Variants in IL1RAPL1 observed in about 807,000 individuals in gnomAD.
The protein encoded by IL1RAPL1 is interleukin 1 receptor accessory protein like 1, also known as interleukin-1 receptor accessory protein-like 1.
In IL1RAPL1, 3 loss-of-function variants were observed where a neutral mutation model predicts 48.4. The observed-to-expected ratio is 0.06, with a 90% CI of 0.03 to 0.16. The LOEUF is 0.16. IL1RAPL1 is among the 10% of genes least tolerant of loss of function. The probability of loss-of-function intolerance (pLI) is 1.00; values close to 1 mark genes in which losing one functional copy is unlikely to be tolerated. For synonymous variants in IL1RAPL1, 185 were observed against 187.7 expected, an observed-to-expected ratio of 0.99 and a Z score of 0.12; for missense variants, 349 against 530.6, an observed-to-expected ratio of 0.66 and a Z score of 3.36.
intron 5 of IL1RAPL1, among the ~76,000 whole-genome samples, chrX:29,623,495 C>T (rs1042277006): frequency 2.7e-5 from 3 of 111,651 alleles, no homozygotes; most frequent in African/African-American, 9.8e-5. Flanking sequence ...AGTTATTTGA[C>T]ATGGTGTACA....
At chrX:28,842,644 A>G (rs1173905682) in intron 2 of IL1RAPL1, among the ~76,000 whole-genome samples, 2 of 111,653 alleles carry the variant, frequency 1.8e-5, no homozygotes, top group African/African-American at 6.5e-5. Flanking sequence ...CTTTGTCAAT[A>G]TTCGTTGAAG....
In IL1RAPL1 at chrX:29,102,965, A is replaced by G. The variant is rs765356370; in HGVS notation, c.83-179973A>G. On this transcript the variant is annotated intron_variant, in intron 2 of 10. Transcript: ENST00000378993. ...AAAAACTATAAAACGTTGAATAAAGACATTGATGAAGACACAAAAAATGGA... is the reference window on the plus strand; with the variant it reads ...AAAAACTATAAAACGTTGAATAAAGGCATTGATGAAGACACAAAAAATGGA... 1.8e-3 allele frequency among the ~76,000 whole-genome samples: 199 copies of G among 112,268 alleles called. 2 individuals carry two copies. The highest frequency in any genetic ancestry group is 3.0e-3 in the Non-Finnish European group (158 of 53,267).
At chrX:29,520,301 C>T (rs1935489817) in intron 5 of IL1RAPL1, among the ~76,000 whole-genome samples, 1 of 111,648 alleles carries the variant, frequency 9.0e-6, no homozygotes, top group African/African-American at 3.3e-5. Flanking sequence ...TATGCTTCTG[C>T]TATTTTGACT....
At chrX:28,795,556 G>A (rs897365774) in intron 2 of IL1RAPL1, among the ~76,000 whole-genome samples, 3 of 111,012 alleles carry the variant, frequency 2.7e-5, no homozygotes, top group African/African-American at 6.5e-5. Flanking sequence ...TCAATGAGGA[G>A]GAGAATATTC....
At chrX:29,727,923 C>A (rs1927816527) in intron 6 of IL1RAPL1, among the ~76,000 whole-genome samples, 1 of 110,217 alleles carries the variant, frequency 9.1e-6, no homozygotes, top group East Asian at 2.9e-4. Flanking sequence ...TATTCTTATT[C>A]TTCTTCTTGT....
intron 5 of IL1RAPL1, among the ~76,000 whole-genome samples, chrX:29,562,115 A>AATCT (rs560107095): frequency 0.032 from 1,922 of 59,724 alleles, 29 homozygotes; most frequent in African/African-American, 0.04. Flanking sequence ...CTATCTATCT[A>AATCT]ATCTATCTAT....
At chrX:29,195,582 C>T (rs1417777102) in intron 2 of IL1RAPL1, among the ~76,000 whole-genome samples, 3 of 80,185 alleles carry the variant, frequency 3.7e-5, no homozygotes, top group African/African-American at 4.9e-5. Context: ...TTTTTGGAGA[C>T]AGAGTCTCAC....
At chrX:29,066,537 G>C (rs916677965) in intron 2 of IL1RAPL1, among the ~76,000 whole-genome samples, 2 of 112,161 alleles carry the variant, frequency 1.8e-5, no homozygotes, top group Non-Finnish European at 3.8e-5. Context: ...CAAAGTTCAG[G>C]GCAAGGCCAC....
At chrX:29,879,373 GTGTGTGTGTGTGTGTGTGTGTGTA>G (rs1177322753) in intron 6 of IL1RAPL1, among the ~76,000 whole-genome samples, 1 of 99,782 alleles carries the variant, frequency 1.0e-5, no homozygotes, top group Non-Finnish European at 2.0e-5. Flanking sequence ...GTGTGTGTGT[GTGTGTGTGTGTGTGTGTGTGTGTA>G]TATATATATA....
chrX:29,379,033 C>G (rs1389987698), intron 3 of IL1RAPL1, among the ~76,000 whole-genome samples: 5 of 112,410 alleles, frequency 4.4e-5, no homozygotes. Context: ...GCTCCTCCCC[C>G]ACTAGAGTGT....
chrX:29,446,828 G>A (rs1246450644), intron 5 of IL1RAPL1, among the ~76,000 whole-genome samples: 3 of 111,091 alleles, frequency 2.7e-5, no homozygotes, highest in Non-Finnish European at 5.7e-5. Flanking sequence ...TTAAACCAGT[G>A]GTGTGCTGAA....
At chrX:29,571,069 A>G (rs374953270) in intron 5 of IL1RAPL1, among the ~76,000 whole-genome samples, 1 of 110,791 alleles carries the variant, frequency 9.0e-6, no homozygotes, top group African/African-American at 3.3e-5. Context: ...AAAAATACAA[A>G]AAATTAGCCA....
At chrX:29,470,381 G>C (rs2049865631) in intron 5 of IL1RAPL1, among the ~76,000 whole-genome samples, 1 of 110,889 alleles carries the variant, frequency 9.0e-6, no homozygotes, top group African/African-American at 3.3e-5. Context: ...ATCATACATT[G>C]ATATAAAAAG....
intron 1 of IL1RAPL1, among the ~76,000 whole-genome samples, chrX:28,643,862 A>G (rs1044865480): frequency 9.0e-6 from 1 of 111,632 alleles, no homozygotes; most frequent in African/African-American, 3.3e-5. Flanking sequence ...TCTTTCCCAC[A>G]TAGCCTCAAA....
chrX:29,476,766 G>C (rs1356628703), intron 5 of IL1RAPL1, among the ~76,000 whole-genome samples: 2 of 107,073 alleles, frequency 1.9e-5, no homozygotes, highest in African/African-American at 3.5e-5. Context: ...AAAAATACTC[G>C]AAAAAACAAA....
chrX:29,616,528 G>A (rs1184992652), intron 5 of IL1RAPL1, among the ~76,000 whole-genome samples: 2 of 96,639 alleles, frequency 2.1e-5, no homozygotes, highest in Non-Finnish European at 4.1e-5. Flanking sequence ...CCCTTCCCGT[G>A]TCCATGTGTT....
intron 5 of IL1RAPL1, among the ~76,000 whole-genome samples, chrX:29,518,304 C>T (rs1258229141): frequency 2.7e-5 from 3 of 110,609 alleles, no homozygotes; most frequent in African/African-American, 6.6e-5. Flanking sequence ...CTGGGGATCT[C>T]GTTACAATGC....
chrX:29,156,121 G>A lies in IL1RAPL1; in HGVS notation c.83-126817G>A, dbSNP rs1488102908. Among the ~76,000 whole-genome samples the A allele has an allele frequency of 2.8e-4, 31 of 111,303 alleles. No individual in the cohort carries two copies. The Admixed American group carries it at 3.0e-3, about 11-fold the overall frequency. On this transcript the variant is annotated intron_variant, in intron 2 of 10. Coordinates refer to ENST00000378993, the MANE Select transcript of IL1RAPL1 (RefSeq NM_014271.4). ...AGAAATCTAAACTAAGAAAAGATAAGCAAATTTTCCAAGGGCTCTTAGCTA... is the reference window on the plus strand; with the variant it reads ...AGAAATCTAAACTAAGAAAAGATAAACAAATTTTCCAAGGGCTCTTAGCTA...
chrX:28,823,206 G>A (rs62587495), intron 2 of IL1RAPL1, among the ~76,000 whole-genome samples: 28 of 111,356 alleles, frequency 2.5e-4, no homozygotes, highest in Admixed American at 2.9e-4. Context: ...AGGAGATCTC[G>A]TTGATATTAT....
Sources: gnomAD v4.1 joint callset for allele counts (sites outside exome capture counted in the v4.1 genomes callset) on GRCh38, gnomAD v4.1.1 for gene constraint, MANE v1.5 for transcripts, NCBI Gene and HGNC (gene_info 2026-07-23, HGNC 2026-07-21) for gene names.